Variants in LAPTM4B observed in about 807,000 individuals in gnomAD.
LAPTM4B encodes lysosomal protein transmembrane 4 beta, also known as lysosomal-associated transmembrane protein 4B.
Under a neutral mutation model 28.5 loss-of-function variants are expected in LAPTM4B, and 26 were observed. That is an observed-to-expected ratio of 0.91 (90% CI 0.67 to 1.27). LAPTM4B has a LOEUF of 1.27. LAPTM4B is among the 50% of genes most tolerant of loss of function. The pLI is 0.00. For synonymous variants in LAPTM4B, 109 were observed against 106.4 expected (o/e 1.02, Z -0.15); for missense variants, 288 against 285.8 (o/e 1.01, Z -0.06).
At chr8:97,780,285 G>A (rs1372482558) in intron 1 of LAPTM4B, among the ~76,000 whole-genome samples, 1 of 151,778 alleles carries the variant, frequency 6.6e-6, no homozygotes, top group Non-Finnish European at 1.5e-5. Context: ...AAATTAGTGG[G>A]GCGTGGTGGC....
At chr8:97,851,100 C>T (rs919213922) in intron 6 of LAPTM4B, among the ~76,000 whole-genome samples, 3 of 152,070 alleles carry the variant, frequency 2.0e-5, no homozygotes, top group Admixed American at 6.5e-5. Context: ...GACACACTCA[C>T]CTAGGGGTCT....
intron 1 of LAPTM4B, among the ~76,000 whole-genome samples, chr8:97,787,113 A>G (rs915417091): frequency 6.6e-6 from 1 of 151,930 alleles, no homozygotes; most frequent in African/African-American, 2.4e-5. Context: ...CATTACCAGC[A>G]CCATGTTTGT....
At position 97,851,521 on chromosome 8, in the gene LAPTM4B, A is replaced by G; in HGVS notation, c.*47A>G. 1 of 1,357,614 alleles carries G rather than the reference A, an allele frequency of 7.4e-7. No homozygotes were observed. Among genetic ancestry groups the G allele is most frequent in the Non-Finnish European group, 1.1e-6 (1 of 947,416 alleles). The allele number at this position is 1,357,614 out of a possible 1,614,324, so 84.1% of individuals were successfully genotyped here. A position where few individuals can be genotyped will look rare whatever the true frequency, so the allele number is the denominator to read the frequency against. ...AGGGCAGCAGCTTGACTTTGCAGAC[A>G]TCTGAGCAATAGTTCTGTTATTTCA... On this transcript the variant is annotated 3_prime_UTR_variant, in exon 7 of 7. Coordinates refer to ENST00000521545, the MANE Select transcript of LAPTM4B (RefSeq NM_018407.6).
chr8:97,820,506 A>G (rs1816987352), intron 5 of LAPTM4B, among the ~76,000 whole-genome samples: 1 of 152,088 alleles, frequency 6.6e-6, no homozygotes, highest in African/African-American at 2.4e-5. Context: ...AAACTTGGGA[A>G]AGCTGCATTG....
intron 5 of LAPTM4B, among the ~76,000 whole-genome samples, chr8:97,819,702 A>G (rs1816972714): frequency 7.2e-6 from 1 of 137,934 alleles, no homozygotes; most frequent in African/African-American, 2.7e-5. Flanking sequence ...CCTTATATTT[A>G]TGCATTTATC....
chr8:97,805,006 A>G (rs1816738170), intron 1 of LAPTM4B, among the ~76,000 whole-genome samples: 1 of 152,234 alleles, frequency 6.6e-6, no homozygotes. Context: ...GACTCACTGG[A>G]AAGTTTTTGT....
chr8:97,809,693 C>G (rs1816799400), intron 2 of LAPTM4B, among the ~76,000 whole-genome samples: 1 of 152,126 alleles, frequency 6.6e-6, no homozygotes, highest in Non-Finnish European at 1.5e-5. Context: ...GAGCCAGACC[C>G]TGTCTCAAAT....
chr8:97,830,082 T>A (rs1313480676), intron 6 of LAPTM4B, among the ~76,000 whole-genome samples: 2 of 151,730 alleles, frequency 1.3e-5, no homozygotes, highest in Non-Finnish European at 2.9e-5. Context: ...TGTAAGGAGA[T>A]GGGGGAGGTT....
At chr8:97,786,475 G>C (rs1043738629) in intron 1 of LAPTM4B, among the ~76,000 whole-genome samples, 2 of 151,020 alleles carry the variant, frequency 1.3e-5, no homozygotes, top group Non-Finnish European at 2.9e-5. Context: ...AGGCCGAGGC[G>C]GGCAAATCAT....
chr8:97,833,220 G>C (rs987794980), intron 6 of LAPTM4B, among the ~76,000 whole-genome samples: 3 of 151,880 alleles, frequency 2.0e-5, no homozygotes, highest in Non-Finnish European at 2.9e-5. Flanking sequence ...TGTAATCCCA[G>C]CTACTTGGGA....
At chr8:97,807,008 C>T (rs1053874872) in intron 2 of LAPTM4B, among the ~76,000 whole-genome samples, 9 of 152,134 alleles carry the variant, frequency 5.9e-5, no homozygotes, top group African/African-American at 2.2e-4. Flanking sequence ...CACCCTTTGC[C>T]ATGATTCTGA....
At chr8:97,820,121 TCTA>T (rs1210852687) in intron 5 of LAPTM4B, among the ~76,000 whole-genome samples, 2 of 152,164 alleles carry the variant, frequency 1.3e-5, no homozygotes, top group African/African-American at 4.8e-5. Context: ...TTAAATGACT[TCTA>T]CTTCCTGCAG....
intron 6 of LAPTM4B, among the ~76,000 whole-genome samples, chr8:97,835,155 T>A (rs567022954): frequency 6.6e-6 from 1 of 152,336 alleles, no homozygotes; most frequent in East Asian, 1.9e-4. Context: ...CACATTTACA[T>A]AATAACATGT....
At chr8:97,844,956 T>C (rs1383171865) in intron 6 of LAPTM4B, among the ~76,000 whole-genome samples, 3 of 152,212 alleles carry the variant, frequency 2.0e-5, no homozygotes, top group Non-Finnish European at 4.4e-5. Flanking sequence ...CTAAAAATCA[T>C]AGAATCAAAA....
chr8:97,819,043 T>G (rs1816964302), intron 4 of LAPTM4B, 97 bp from the exon 5 acceptor site: 1 of 747,708 alleles, frequency 1.3e-6, no homozygotes, highest in Admixed American at 2.4e-5. Flanking sequence ...TCTGCTTTAA[T>G]CAGTTGCTTT....
chr8:97,831,236 A>G (rs1817179265), intron 6 of LAPTM4B, among the ~76,000 whole-genome samples: 1 of 152,210 alleles, frequency 6.6e-6, no homozygotes. Context: ...CGGAGGTAGG[A>G]AGACCAAATT....
intron 6 of LAPTM4B, among the ~76,000 whole-genome samples, chr8:97,846,029 A>AT (rs1309380557): frequency 6.7e-6 from 1 of 149,268 alleles, no homozygotes; most frequent in Non-Finnish European, 1.5e-5. Context: ...TAATTTTTGT[A>AT]TTTTTTGTAG....
At chr8:97,796,523 T>C (rs1816586795) in intron 1 of LAPTM4B, among the ~76,000 whole-genome samples, 1 of 152,258 alleles carries the variant, frequency 6.6e-6, no homozygotes, top group African/African-American at 2.4e-5. Context: ...TTAGTTGTTA[T>C]TTTATGCTTA....
chr8:97,848,974 A>C (rs1817471591), intron 6 of LAPTM4B, among the ~76,000 whole-genome samples: 1 of 152,134 alleles, frequency 6.6e-6, no homozygotes, highest in Non-Finnish European at 1.5e-5. Context: ...TTGCTAGTGG[A>C]GATGCTGTTG....
Sources: gnomAD v4.1 joint callset for allele counts (sites outside exome capture counted in the v4.1 genomes callset) on GRCh38, gnomAD v4.1.1 for gene constraint, MANE v1.5 for transcripts, NCBI Gene and HGNC (gene_info 2026-07-23, HGNC 2026-07-21) for gene names.